The following CHCHD3 variants were observed in gnomAD, a reference collection of about 807,000 sequenced individuals.
CHCHD3 encodes MICOS complex subunit MIC19.
Under a neutral mutation model 38.2 loss-of-function variants are expected in CHCHD3, and 20 were observed. The ratio of observed to expected loss-of-function variants is 0.52; its 90% CI spans 0.37 to 0.76. CHCHD3 has a LOEUF of 0.76. Ranked by LOEUF, CHCHD3 falls within the 30% of genes least tolerant of loss-of-function variation. CHCHD3 has a pLI of 0.00. For synonymous variants in CHCHD3, 82 were observed against 100.0 expected (o/e 0.82, Z 1.07); for missense variants, 245 against 279.2 (o/e 0.88, Z 0.87).
At chr7:133,070,303 A>G in intron 1 of CHCHD3, 74 bp from the exon 2 acceptor site, 1 of 1,233,266 alleles carries the variant, frequency 8.1e-7, no homozygotes, top group Non-Finnish European at 1.2e-6. Context: ...ACATCCAAGT[A>G]ATTTAGTCAT....
rs142545311 is a variant in CHCHD3, at chr7:132,992,250, T to G, written c.252-16964A>C. 2.6e-5 allele frequency among the ~76,000 whole-genome samples: 4 copies of G among 152,344 alleles called. No homozygotes were observed. In the East Asian group the frequency reaches 7.7e-4, roughly 29 times the overall value. ...GTCTGCACTTTGTTCAAGCTAAGTC[T>G]GCTTGCAAAATCAGCCTCAGTGCAC... is the stretch of plus-strand genomic sequence containing the variant. On this transcript the variant is annotated intron_variant, in intron 3 of 7. Coordinates refer to ENST00000262570, the MANE Select transcript of CHCHD3 (RefSeq NM_017812.4).
chr7:133,059,464 A>C (rs1814438006), intron 2 of CHCHD3, among the ~76,000 whole-genome samples: 1 of 152,184 alleles, frequency 6.6e-6, no homozygotes. Context: ...AGGGTCCGAG[A>C]AGGGAAAATC....
chr7:133,043,091 C>T (rs569732321), intron 2 of CHCHD3, among the ~76,000 whole-genome samples: 1 of 152,254 alleles, frequency 6.6e-6, no homozygotes, highest in African/African-American at 2.4e-5. Flanking sequence ...TGGTCTCAAA[C>T]TTCTGAGCTC....
intron 4 of CHCHD3, among the ~76,000 whole-genome samples, chr7:132,897,799 C>T (rs750445572): frequency 5.9e-5 from 9 of 152,226 alleles, no homozygotes; most frequent in Non-Finnish European, 1.0e-4. Context: ...CGGTTCAGGT[C>T]TTCTGGAATG....
intron 4 of CHCHD3, chr7:132,972,498 C>A (rs1482288153): frequency 1.3e-6 from 1 of 796,404 alleles, no homozygotes; most frequent in Non-Finnish European, 1.5e-6. Flanking sequence ...ATTTTAGTAT[C>A]CCTTTGTATT....
intron 7 of CHCHD3, among the ~76,000 whole-genome samples, chr7:132,794,757 T>A (rs1342521842): frequency 1.3e-5 from 2 of 152,162 alleles, no homozygotes; most frequent in African/African-American, 4.8e-5. Context: ...TTCAGCACAA[T>A]AATGCAACTG....
intron 1 of CHCHD3, 66 bp from the exon 2 acceptor site, chr7:133,070,295 A>G (rs1814782245): frequency 2.3e-6 from 3 of 1,329,888 alleles, no homozygotes; most frequent in African/African-American, 1.5e-5. Flanking sequence ...GTGCAATAAC[A>G]TCCAAGTAAT....
chr7:133,042,561 A>T lies in CHCHD3; in HGVS notation c.170-17934T>A, dbSNP rs191622384. On this transcript the variant is annotated intron_variant, in intron 2 of 7. Coordinates refer to ENST00000262570, the MANE Select transcript of CHCHD3 (RefSeq NM_017812.4). ...ACAGGGGACCAGGCAAGGCCAATAT[A>T]CTGCAGAAATCATTCAAAACTGGCT... Among the ~76,000 whole-genome samples the T allele has an allele frequency of 5.9e-5, 9 of 152,284 alleles. No individual in the cohort carries two copies. The East Asian group carries it at 1.5e-3, about 26-fold the overall frequency.
chr7:132,946,388 G>C (rs1201479962), intron 4 of CHCHD3, among the ~76,000 whole-genome samples: 1 of 151,860 alleles, frequency 6.6e-6, no homozygotes, highest in East Asian at 1.9e-4. Flanking sequence ...AAATCAGCCA[G>C]TTTTAAACTA....
intron 3 of CHCHD3, chr7:133,022,537 C>G (rs117833509): frequency 2.2e-6 from 1 of 455,858 alleles, no homozygotes; most frequent in Non-Finnish European, 4.4e-6. Context: ...ATTGATTCTC[C>G]TAAGAACTAT....
intron 6 of CHCHD3, among the ~76,000 whole-genome samples, chr7:132,819,723 G>A (rs571233926): frequency 1.3e-5 from 2 of 152,304 alleles, no homozygotes; most frequent in South Asian, 4.1e-4. Context: ...AGGAAGGGAG[G>A]TGTCTAGAAA....
At position 133,082,059 on chromosome 7, in the gene CHCHD3, A is replaced by C; in HGVS notation, c.-122T>G. The C allele has an allele frequency of 3.4e-6, 3 of 888,506 alleles. No individual in the cohort carries two copies. The highest frequency in any genetic ancestry group is 3.0e-5 in the East Asian group (1 of 32,936). The allele number at this position is 888,506 out of a possible 1,614,324, so 55.0% of individuals were successfully genotyped here. On this transcript the variant is annotated 5_prime_UTR_variant, in exon 1 of 8. Transcript: ENST00000262570. ...CCCGCACAGCGGGAGCAAGGCCACG[A>C]CCCCCAGAAGCAAGGAGAAGGCGCC... is the stretch of plus-strand genomic sequence containing the variant.
intron 4 of CHCHD3, among the ~76,000 whole-genome samples, chr7:132,945,370 A>C (rs1450677965): frequency 2.0e-5 from 3 of 152,018 alleles, no homozygotes; most frequent in Admixed American, 1.3e-4. Flanking sequence ...TTTGTGGTAA[A>C]TAAATATAAA....
At chr7:132,949,738 C>T (rs141201802) in intron 4 of CHCHD3, among the ~76,000 whole-genome samples, 84 of 152,092 alleles carry the variant, frequency 5.5e-4, no homozygotes, top group African/African-American at 1.9e-3. Context: ...TTGTGAAAAT[C>T]AAATTATTTG....
chr7:132,810,862 T>A (rs557865175), intron 6 of CHCHD3, among the ~76,000 whole-genome samples: 2 of 152,196 alleles, frequency 1.3e-5, no homozygotes, highest in African/African-American at 4.8e-5. Flanking sequence ...GTTGAGTATG[T>A]CTGGAGAAAA....
intron 4 of CHCHD3, among the ~76,000 whole-genome samples, chr7:132,904,545 C>A (rs1809748701): frequency 1.3e-5 from 2 of 152,248 alleles, no homozygotes; most frequent in South Asian, 4.1e-4. Context: ...AATGAGATAC[C>A]ATCTCACACC....
chr7:133,030,403 A>G (rs1020346576), intron 2 of CHCHD3, among the ~76,000 whole-genome samples: 2 of 152,214 alleles, frequency 1.3e-5, no homozygotes, highest in Non-Finnish European at 2.9e-5. Context: ...CTGTTATTAA[A>G]CTAAAAGGTC....
chr7:132,839,106 C>T (rs980224796), intron 5 of CHCHD3, among the ~76,000 whole-genome samples: 5 of 151,684 alleles, frequency 3.3e-5, no homozygotes, highest in African/African-American at 4.8e-5. Context: ...GCAGGAGAAT[C>T]GCTTGAACCC....
chr7:133,012,103 T>C (rs1025695772), intron 3 of CHCHD3, among the ~76,000 whole-genome samples: 1 of 152,168 alleles, frequency 6.6e-6, no homozygotes, highest in African/African-American at 2.4e-5. Flanking sequence ...ACATTTTCAG[T>C]AGTTTGAGGA....
Sources: allele counts gnomAD v4.1 joint callset (sites outside exome capture counted in the v4.1 genomes callset), GRCh38; gene constraint gnomAD v4.1.1; transcripts MANE v1.5; gene names NCBI Gene and HGNC (gene_info 2026-07-23, HGNC 2026-07-21).